The following EYS variants were observed in gnomAD, a reference collection of about 807,000 sequenced individuals.
The protein encoded by EYS is EGF-like photoreceptor maintenance factor.
A neutral mutation model predicts 282.1 loss-of-function variants in EYS; 250 were observed. That is an observed-to-expected ratio of 0.89 (90% CI 0.80 to 0.98). The LOEUF (loss-of-function observed/expected upper bound fraction) is 0.98, where lower values mean the gene tolerates loss of function less well. Ranked by LOEUF, EYS falls within the 50% of genes least tolerant of loss-of-function variation. The probability of loss-of-function intolerance (pLI) is 0.00; values close to 1 mark genes in which losing one functional copy is unlikely to be tolerated. For synonymous variants in EYS, 1,355 were observed against 1,282.9 expected, an observed-to-expected ratio of 1.06 and a Z score of -1.20; for missense variants, 4,016 against 3,709.0, an observed-to-expected ratio of 1.08 and a Z score of -2.15.
chr6:63,911,773 G>A (rs147835075), intron 35 of EYS, among the ~76,000 whole-genome samples: 72 of 152,194 alleles, frequency 4.7e-4, no homozygotes, highest in African/African-American at 1.6e-3. Context: ...GATACCATGA[G>A]GTTTTATAAC....
chr6:65,700,007 C>T (rs903202637), intron 1 of EYS, among the ~76,000 whole-genome samples: 4 of 142,904 alleles, frequency 2.8e-5, no homozygotes, highest in African/African-American at 5.2e-5. Flanking sequence ...CCCAGCTAGT[C>T]GGGAGGCTGA....
At chr6:64,857,337 A>G (rs985854094) in intron 19 of EYS, among the ~76,000 whole-genome samples, 5 of 152,160 alleles carry the variant, frequency 3.3e-5, no homozygotes, top group Non-Finnish European at 7.4e-5. Flanking sequence ...TAGATTCCAT[A>G]TGTAAGTGAA....
At chr6:65,227,615 T>C (rs1766661207) in intron 12 of EYS, among the ~76,000 whole-genome samples, 1 of 152,160 alleles carries the variant, frequency 6.6e-6, no homozygotes, top group African/African-American at 2.4e-5. Context: ...AACAGGTATC[T>C]TAACACTAAT....
intron 15 of EYS, among the ~76,000 whole-genome samples, chr6:64,921,475 T>C (rs927146782): frequency 6.6e-6 from 1 of 152,088 alleles, no homozygotes; most frequent in African/African-American, 2.4e-5. Flanking sequence ...ATAATTATTT[T>C]TTAAAATGTC....
At chr6:64,367,461 A>T (rs1167615869) in intron 29 of EYS, among the ~76,000 whole-genome samples, 1 of 152,094 alleles carries the variant, frequency 6.6e-6, no homozygotes, top group Non-Finnish European at 1.5e-5. Flanking sequence ...TATTAAAGAA[A>T]GCTATTCAGT....
chr6:65,253,995 T>G (rs1286634356), intron 12 of EYS, among the ~76,000 whole-genome samples: 1 of 151,850 alleles, frequency 6.6e-6, no homozygotes, highest in African/African-American at 2.4e-5. Flanking sequence ...GGTAGGAAGC[T>G]TAAAAGTGCT....
At chr6:65,109,332 A>G (rs923658960) in intron 12 of EYS, among the ~76,000 whole-genome samples, 3 of 152,084 alleles carry the variant, frequency 2.0e-5, no homozygotes, top group Admixed American at 6.6e-5. Context: ...GCTATTATAA[A>G]AGTTAAATTT....
intron 26 of EYS, among the ~76,000 whole-genome samples, chr6:64,471,027 A>T (rs1776107798): frequency 6.6e-6 from 1 of 152,196 alleles, no homozygotes; most frequent in African/African-American, 2.4e-5. Flanking sequence ...CTTCCAAGGG[A>T]CACTATTGTC....
intron 12 of EYS, among the ~76,000 whole-genome samples, chr6:65,079,578 T>C (rs1425614409): frequency 6.6e-6 from 1 of 152,070 alleles, no homozygotes; most frequent in Non-Finnish European, 1.5e-5. Flanking sequence ...GATAACATAT[T>C]ATATATTGTT....
chr6:64,100,793 G>C (rs569859413), intron 31 of EYS, among the ~76,000 whole-genome samples: 1 of 152,090 alleles, frequency 6.6e-6, no homozygotes, highest in African/African-American at 2.4e-5. Context: ...TAGGGTAGGG[G>C]GTGGTTACTT....
chr6:64,322,020 A>T (rs1403461335), intron 29 of EYS, among the ~76,000 whole-genome samples: 1 of 152,006 alleles, frequency 6.6e-6, no homozygotes, highest in Non-Finnish European at 1.5e-5. Flanking sequence ...GAAGTAAACT[A>T]GAAAGTGGGT....
chr6:64,108,341 GT>G (rs1020126175), intron 31 of EYS, among the ~76,000 whole-genome samples: 2 of 152,026 alleles, frequency 1.3e-5, no homozygotes, highest in African/African-American at 4.8e-5. Context: ...TCAGCTGGCT[GT>G]TTTTCCAATG....
At chr6:65,605,274 TTAAAA>T (rs1161839887) in intron 2 of EYS, among the ~76,000 whole-genome samples, 2 of 151,754 alleles carry the variant, frequency 1.3e-5, no homozygotes, top group Non-Finnish European at 2.9e-5. Context: ...AACAAAAAAT[TTAAAA>T]TAAACACACA....
At chr6:65,011,219 G>A (rs1302223792) in intron 13 of EYS, among the ~76,000 whole-genome samples, 1 of 152,222 alleles carries the variant, frequency 6.6e-6, no homozygotes, top group Non-Finnish European at 1.5e-5. Flanking sequence ...CTTAGGCATA[G>A]ATAGCACCGA....
chr6:64,430,082 C>T (rs967626085), intron 28 of EYS, among the ~76,000 whole-genome samples: 4 of 152,194 alleles, frequency 2.6e-5, no homozygotes, highest in African/African-American at 9.6e-5. Flanking sequence ...CAAAGTATTC[C>T]CGCTCTAATT....
intron 29 of EYS, among the ~76,000 whole-genome samples, chr6:64,362,315 A>G (rs1561951479): frequency 1.3e-5 from 2 of 151,988 alleles, no homozygotes; most frequent in African/African-American, 2.4e-5. Context: ...TTTAATAGAA[A>G]TTCATAAAAT....
At chr6:65,278,766 C>G (rs1768134994) in intron 12 of EYS, among the ~76,000 whole-genome samples, 1 of 152,114 alleles carries the variant, frequency 6.6e-6, no homozygotes, top group Non-Finnish European at 1.5e-5. Flanking sequence ...TACAACAGTT[C>G]TGTGAAATAT....
chr6:65,125,435 C>A (rs1775691822), intron 12 of EYS, among the ~76,000 whole-genome samples: 1 of 152,038 alleles, frequency 6.6e-6, no homozygotes, highest in Non-Finnish European at 1.5e-5. Context: ...GTTTCTGTTG[C>A]CTAGAACAAT....
intron 22 of EYS, among the ~76,000 whole-genome samples, chr6:64,677,137 A>G (rs145563729): frequency 1.5e-3 from 226 of 152,306 alleles, no homozygotes; most frequent in African/African-American, 5.1e-3. Context: ...ATCTAACAAT[A>G]TTAATCATAA....
Sources: gnomAD v4.1 joint callset for allele counts (sites outside exome capture counted in the v4.1 genomes callset) on GRCh38, gnomAD v4.1.1 for gene constraint, MANE v1.5 for transcripts, NCBI Gene and HGNC (gene_info 2026-07-23, HGNC 2026-07-21) for gene names.